The following SPON1 variants were observed in gnomAD, a reference collection of about 807,000 sequenced individuals.
The protein encoded by SPON1 is spondin-1.
Under a neutral mutation model 111.7 loss-of-function variants are expected in SPON1, and 52 were observed. That is an observed-to-expected ratio of 0.47 (90% CI 0.37 to 0.59). The LOEUF is 0.59. Among genes scored for constraint, SPON1 ranks in the 20% least tolerant of loss-of-function variants. The pLI, the probability that SPON1 is intolerant of heterozygous loss-of-function variation, is 0.00. For missense variants in SPON1, 957 were observed against 1,068.5 expected, an observed-to-expected ratio of 0.90 and a Z score of 1.46; for synonymous variants, 410 against 395.8, an observed-to-expected ratio of 1.04 and a Z score of -0.43.
At chr11:14,039,331 A>T (rs781957756) in intron 2 of SPON1, among the ~76,000 whole-genome samples, 3 of 152,192 alleles carry the variant, frequency 2.0e-5, no homozygotes, top group Non-Finnish European at 4.4e-5. Context: ...TAAACTGTGG[A>T]CTTTGCAGGA....
At chr11:14,004,588 T>C (rs1302823757) in intron 2 of SPON1, among the ~76,000 whole-genome samples, 1 of 152,250 alleles carries the variant, frequency 6.6e-6, no homozygotes, top group African/African-American at 2.4e-5. Flanking sequence ...TGATTAATGA[T>C]GTTGAACACC....
intron 2 of SPON1, among the ~76,000 whole-genome samples, chr11:14,033,578 G>T (rs1848573992): frequency 6.6e-6 from 1 of 152,166 alleles, no homozygotes; most frequent in Non-Finnish European, 1.5e-5. Flanking sequence ...GGAAGAGTAG[G>T]CACCCTCAGA....
At chr11:14,102,800 G>A (rs1003172004) in intron 5 of SPON1, among the ~76,000 whole-genome samples, 2 of 152,182 alleles carry the variant, frequency 1.3e-5, no homozygotes, top group African/African-American at 4.8e-5. Flanking sequence ...GGATACCACA[G>A]CCATTATGGA....
chr11:13,969,384 CAAAAG>C (rs1848045295), intron 1 of SPON1, among the ~76,000 whole-genome samples: 1 of 151,990 alleles, frequency 6.6e-6, no homozygotes, highest in African/African-American at 2.4e-5. Flanking sequence ...GACCCTGTCT[CAAAAG>C]AAGGGAAAAA....
At chr11:14,136,683 G>GC (rs1847596175) in intron 6 of SPON1, among the ~76,000 whole-genome samples, 1 of 152,112 alleles carries the variant, frequency 6.6e-6, no homozygotes, top group Non-Finnish European at 1.5e-5. Context: ...GTCGAAAAAT[G>GC]CCCCAGAATG....
At chr11:14,110,955 T>A (rs1450155493) in intron 5 of SPON1, among the ~76,000 whole-genome samples, 2 of 152,124 alleles carry the variant, frequency 1.3e-5, no homozygotes, top group African/African-American at 4.8e-5. Flanking sequence ...CATCACTATC[T>A]CCCAGCCTAT....
chr11:14,022,292 G>A (rs1554914840), intron 2 of SPON1, among the ~76,000 whole-genome samples: 1 of 152,194 alleles, frequency 6.6e-6, no homozygotes, highest in Admixed American at 6.5e-5. Context: ...ATCTTTAAGA[G>A]CAGCCTGTTG....
At position 14,267,735 on chromosome 11, in the gene SPON1, A is replaced by G. The variant is rs1286845148; in HGVS notation, c.*2048A>G. On this transcript the variant is annotated 3_prime_UTR_variant, in exon 16 of 16. Transcript: ENST00000576479. Reference sequence around the variant, plus strand: ...AGAAGCATCAAGTCTCTTTCTTACCAAAGTCTTGTTAGGTGGTTTATAGTT... The same window carrying G: ...AGAAGCATCAAGTCTCTTTCTTACCGAAGTCTTGTTAGGTGGTTTATAGTT... The G allele has an allele frequency of 2.0e-5, 3 of 152,250 alleles. No individual in the cohort carries two copies. Among genetic ancestry groups the G allele is most frequent in the Non-Finnish European group, 2.9e-5 (2 of 68,046 alleles). 9.4% of individuals were successfully genotyped at this position (152,250 alleles called of 1,614,324 possible). A position where few individuals can be genotyped will look rare whatever the true frequency, so the allele number is the denominator to read the frequency against.
At chr11:14,019,807 C>T (rs74471856) in intron 2 of SPON1, among the ~76,000 whole-genome samples, 11 of 152,170 alleles carry the variant, frequency 7.2e-5, no homozygotes, top group Non-Finnish European at 1.6e-4. Context: ...ATTGGCCACA[C>T]TAGCTCAAAG....
intron 6 of SPON1, among the ~76,000 whole-genome samples, chr11:14,173,260 T>C (rs879990097): frequency 9.9e-5 from 15 of 152,224 alleles, no homozygotes; most frequent in Non-Finnish European, 1.6e-4. Context: ...CCATCGCTGA[T>C]ACCCTTTCTT....
intron 3 of SPON1, among the ~76,000 whole-genome samples, chr11:14,055,383 C>T (rs1298783858): frequency 2.6e-5 from 4 of 152,134 alleles, no homozygotes; most frequent in African/African-American, 4.8e-5. Flanking sequence ...CTTCTAGTGC[C>T]GGAGGATCCT....
At chr11:13,970,012 G>T (rs1302562365) in intron 1 of SPON1, among the ~76,000 whole-genome samples, 1 of 152,196 alleles carries the variant, frequency 6.6e-6, no homozygotes, top group African/African-American at 2.4e-5. Context: ...GTAGCAAGTG[G>T]CCCAAATCAT....
intron 7 of SPON1, 95 bp from the exon 8 acceptor site, chr11:14,254,433 G>GTCCC: frequency 8.9e-7 from 1 of 1,128,668 alleles, no homozygotes; most frequent in South Asian, 1.6e-5. Flanking sequence ...GATACTCTCT[G>GTCCC]TCCCTCTCAT....
Position 14,109,145 on chromosome 11 carries a change from A to G in SPON1, c.677-26275A>G, listed in dbSNP as rs562878939. On this transcript the variant is annotated intron_variant, in intron 5 of 15. Coordinates refer to ENST00000576479, the MANE Select transcript of SPON1 (RefSeq NM_006108.4). Reference sequence around the variant, plus strand: ...TTCTAGTTCTTAAACACTCTTTACAACTCTTTGTGCCCTTCCAGCTATCTA... The same window carrying G: ...TTCTAGTTCTTAAACACTCTTTACAGCTCTTTGTGCCCTTCCAGCTATCTA... Among the ~76,000 whole-genome samples, 15 of 151,298 alleles carry G rather than the reference A, an allele frequency of 9.9e-5. No homozygotes were observed. In the South Asian group the frequency reaches 3.2e-3, roughly 32 times the overall value.
At chr11:14,127,958 C>T (rs1371465803) in intron 5 of SPON1, among the ~76,000 whole-genome samples, 3 of 152,204 alleles carry the variant, frequency 2.0e-5, no homozygotes, top group Non-Finnish European at 1.5e-5. Context: ...ATAATAAGAA[C>T]TCACTATCAT....
chr11:14,201,848 G>A (rs930228067), intron 6 of SPON1, among the ~76,000 whole-genome samples: 2 of 152,102 alleles, frequency 1.3e-5, no homozygotes, highest in Non-Finnish European at 2.9e-5. Context: ...TGAAGTGGTG[G>A]GGGGAGTCCT....
intron 1 of SPON1, among the ~76,000 whole-genome samples, chr11:13,966,934 A>G (rs2618491): frequency 1.3e-5 from 2 of 152,198 alleles, no homozygotes; most frequent in Non-Finnish European, 2.9e-5. Context: ...TGCTAAAAAA[A>G]TATGTTATGA....
chr11:14,133,115 ATAGGATACTGCCT>A (rs1201463028), intron 5 of SPON1, among the ~76,000 whole-genome samples: 1 of 152,204 alleles, frequency 6.6e-6, no homozygotes, highest in Non-Finnish European at 1.5e-5. Context: ...TTAACAGCAC[ATAGGATACTGCCT>A]TAGCCTAGCA....
chr11:14,170,530 A>G (rs1218246522), intron 6 of SPON1, among the ~76,000 whole-genome samples: 1 of 152,012 alleles, frequency 6.6e-6, no homozygotes, highest in African/African-American at 2.4e-5. Flanking sequence ...TTCCAACACT[A>G]TGTTGAATAG....
Sources: gnomAD v4.1 joint callset for allele counts (sites outside exome capture counted in the v4.1 genomes callset) on GRCh38, gnomAD v4.1.1 for gene constraint, MANE v1.5 for transcripts, NCBI Gene and HGNC (gene_info 2026-07-23, HGNC 2026-07-21) for gene names.